Variants in PREP observed in about 807,000 individuals in gnomAD.
PREP encodes the protein dJ355L5.1 (prolyl endopeptidase).
A neutral mutation model predicts 87.6 loss-of-function variants in PREP; 29 were observed. The ratio of observed to expected loss-of-function variants is 0.33; its 90% CI spans 0.25 to 0.45. PREP has a LOEUF of 0.45. Ranked by LOEUF, PREP falls within the 20% of genes least tolerant of loss-of-function variation. PREP has a pLI of 1.00. For synonymous variants in PREP, 337 were observed against 328.6 expected, an observed-to-expected ratio of 1.03 and a Z score of -0.28; for missense variants, 695 against 886.5, an observed-to-expected ratio of 0.78 and a Z score of 2.74.
chr6:105,369,399 A>G (rs373909694), intron 5 of PREP, among the ~76,000 whole-genome samples: 2 of 152,244 alleles, frequency 1.3e-5, no homozygotes, highest in South Asian at 2.1e-4. Context: ...ATTTTTGTCT[A>G]CAGATTTAAT....
At chr6:105,388,210 G>A (rs970993758) in intron 2 of PREP, among the ~76,000 whole-genome samples, 2 of 152,108 alleles carry the variant, frequency 1.3e-5, no homozygotes, top group African/African-American at 2.4e-5. Context: ...GCCAAGGGGC[G>A]AGCACACACC....
chr6:105,389,082 G>C (rs1450153908), intron 2 of PREP, among the ~76,000 whole-genome samples: 1 of 152,158 alleles, frequency 6.6e-6, no homozygotes, highest in East Asian at 1.9e-4. Context: ...ACAGATAAGA[G>C]TCTTTAAAGT....
At chr6:105,300,744 CAGT>C (rs1770516631) in intron 10 of PREP, among the ~76,000 whole-genome samples, 2 of 152,024 alleles carry the variant, frequency 1.3e-5, no homozygotes, top group Admixed American at 1.3e-4. Flanking sequence ...AATGATAAAG[CAGT>C]TTAACTCTGG....
chr6:105,311,364 T>C (rs772914163), intron 10 of PREP, among the ~76,000 whole-genome samples: 2 of 152,134 alleles, frequency 1.3e-5, no homozygotes, highest in Non-Finnish European at 2.9e-5. Context: ...CCTTACTCAC[T>C]GGGCTTCTCT....
intron 10 of PREP, among the ~76,000 whole-genome samples, chr6:105,305,730 C>G (rs1471851633): frequency 1.3e-5 from 2 of 152,124 alleles, no homozygotes; most frequent in African/African-American, 2.4e-5. Context: ...TTTGACAGCC[C>G]AGACATGCCT....
chr6:105,323,040 A>G, intron 10 of PREP: 1 of 1,304,038 alleles, frequency 7.7e-7, no homozygotes, highest in Non-Finnish European at 1.0e-6. Context: ...ATTGCAAAGG[A>G]ACAGAGACAT....
At chr6:105,297,401 C>A (rs1770432292) in intron 10 of PREP, among the ~76,000 whole-genome samples, 1 of 152,192 alleles carries the variant, frequency 6.6e-6, no homozygotes, top group African/African-American at 2.4e-5. Context: ...ATATAACAGC[C>A]ATTAGTGCTT....
At chr6:105,396,263 C>G (rs539030171) in intron 2 of PREP, among the ~76,000 whole-genome samples, 1 of 152,192 alleles carries the variant, frequency 6.6e-6, no homozygotes. Context: ...ATTAGGAAAT[C>G]TCAAAATAGC....
chr6:105,291,709 T>C (rs1483112406), intron 10 of PREP, among the ~76,000 whole-genome samples: 2 of 152,198 alleles, frequency 1.3e-5, no homozygotes, highest in Non-Finnish European at 2.9e-5. Flanking sequence ...AGTTAATGTT[T>C]AATAAACTCC....
intron 14 of PREP, among the ~76,000 whole-genome samples, chr6:105,280,176 G>A (rs1049695025): frequency 1.3e-5 from 2 of 152,106 alleles, no homozygotes; most frequent in African/African-American, 2.4e-5. Context: ...CGCACCTGTC[G>A]TCCCAGCTAC....
At chr6:105,352,882 G>C (rs1444324411) in intron 7 of PREP, 90 bp downstream of exon 7, 3 of 1,122,076 alleles carry the variant, frequency 2.7e-6, no homozygotes, top group Non-Finnish European at 4.0e-6. Context: ...GAATGGAAGA[G>C]GGTCTTGGGA....
chr6:105,403,049 A>AGAG lies in PREP; in HGVS notation c.-159_-158insCTC. The AGAG allele has an allele frequency of 3.4e-6, 1 of 291,186 alleles. No homozygotes were observed. The highest frequency in any genetic ancestry group is 6.3e-6 in the Non-Finnish European group (1 of 159,250). The allele number at this position is 291,186 out of a possible 1,614,324, so 18.0% of individuals were successfully genotyped here. A position where few individuals can be genotyped will look rare whatever the true frequency, so the allele number is the denominator to read the frequency against. On this transcript the variant is annotated 5_prime_UTR_variant, in exon 1 of 15. Coordinates refer to ENST00000652536, the MANE Select transcript of PREP (RefSeq NM_002726.5). Reference sequence around the variant, plus strand: ...TCACGGCCAGAGCTAGCACAAACGGACTGGCGGCGCGGCGGCGAGGACGTG... The same window carrying AGAG: ...TCACGGCCAGAGCTAGCACAAACGGAGAGCTGGCGGCGCGGCGGCGAGGACGTG...
intron 7 of PREP, among the ~76,000 whole-genome samples, chr6:105,339,604 T>C (rs1771581020): frequency 6.6e-6 from 1 of 152,128 alleles, no homozygotes; most frequent in African/African-American, 2.4e-5. Flanking sequence ...TAAAGGAGGA[T>C]ATTCGAACCC....
At chr6:105,341,268 A>G (rs1771641043) in intron 7 of PREP, among the ~76,000 whole-genome samples, 1 of 152,236 alleles carries the variant, frequency 6.6e-6, no homozygotes, top group Admixed American at 6.5e-5. Context: ...GAAACTGAAC[A>G]ACCTGCTCTT....
intron 2 of PREP, among the ~76,000 whole-genome samples, chr6:105,382,380 A>G (rs1244516629): frequency 6.6e-6 from 1 of 152,156 alleles, no homozygotes; most frequent in Admixed American, 6.5e-5. Flanking sequence ...TTCTACATAT[A>G]TCAAAATGAC....
chr6:105,383,519 T>C (rs1490726907), intron 2 of PREP, among the ~76,000 whole-genome samples: 2 of 152,254 alleles, frequency 1.3e-5, no homozygotes, highest in East Asian at 3.9e-4. Context: ...GGCTCAACTT[T>C]AACATAAAAA....
chr6:105,309,178 G>T (rs1770708879), intron 10 of PREP, among the ~76,000 whole-genome samples: 1 of 152,052 alleles, frequency 6.6e-6, no homozygotes, highest in South Asian at 2.1e-4. Flanking sequence ...GGTCAAACTG[G>T]CAGCCAAATG....
At chr6:105,365,694 G>A (rs1772366012) in intron 6 of PREP, among the ~76,000 whole-genome samples, 2 of 152,246 alleles carry the variant, frequency 1.3e-5, no homozygotes, top group South Asian at 4.1e-4. Context: ...GGTAACTGGT[G>A]GGATGACACC....
intron 7 of PREP, among the ~76,000 whole-genome samples, chr6:105,352,358 A>C (rs948543923): frequency 9.2e-5 from 14 of 152,156 alleles, no homozygotes; most frequent in African/African-American, 3.4e-4. Flanking sequence ...CAGAATTTGT[A>C]ACTGGCTGGT....
Sources: allele counts gnomAD v4.1 joint callset (sites outside exome capture counted in the v4.1 genomes callset), GRCh38; gene constraint gnomAD v4.1.1; transcripts MANE v1.5; gene names NCBI Gene and HGNC (gene_info 2026-07-23, HGNC 2026-07-21).